Variants in SMAD2 observed in about 807,000 individuals in gnomAD.
SMAD2 encodes MAD homolog 2.
A neutral mutation model predicts 64.4 loss-of-function variants in SMAD2; 8 were observed. That is an observed-to-expected ratio of 0.12 (90% CI 0.07 to 0.22). The LOEUF is 0.22. Ranked by LOEUF, SMAD2 falls within the 10% of genes least tolerant of loss-of-function variation. The pLI is 1.00. For synonymous variants in SMAD2, 203 were observed against 195.8 expected, an observed-to-expected ratio of 1.04 and a Z score of -0.31; for missense variants, 289 against 561.2, an observed-to-expected ratio of 0.51 and a Z score of 4.90.
At position 47,811,465 on chromosome 18, in the gene SMAD2, G is replaced by A. The variant is rs1481490436; in HGVS notation, c.*30362C>T. 13 of 103,712 alleles carry A rather than the reference G, an allele frequency of 1.3e-4. No individual in the cohort carries two copies. The highest frequency in any genetic ancestry group is 3.6e-4 in the African/African-American group (10 of 27,460). 6.4% of individuals were successfully genotyped at this position (103,712 alleles called of 1,614,324 possible). On this transcript the variant is annotated 3_prime_UTR_variant, in exon 11 of 11. Transcript: ENST00000262160. Reference sequence around the variant, plus strand: ...AGCCTGGGCGACAGAGCGAGACCTCGTCTCAAAAAAAAAAAAAAAAAAAAG... The same window carrying A: ...AGCCTGGGCGACAGAGCGAGACCTCATCTCAAAAAAAAAAAAAAAAAAAAG...
rs2030048703 is a variant in SMAD2 at position 47,851,325 on chromosome 18, A to G, written c.733T>C (p.Ser245Pro). ...QQLNQSMDTG[S>P]PAELSPTTLS... ...GTAGTAGGAGATAGTTCTGCTGGAG[A>G]GCCTAAAACAAAAGGATTTAAAAAT... Residue 245 changes from serine to proline, a missense_variant and splice_region_variant, in exon 7 of 11, where the codon TCT becomes CCT. Ser to Pro is a moderately conservative substitution (Grantham distance 74, BLOSUM62 -1). Coordinates refer to ENST00000262160, the MANE Select transcript of SMAD2 (RefSeq NM_005901.6). 1.2e-6 allele frequency: 2 copies of G among 1,605,482 alleles called. No homozygotes were observed. Among genetic ancestry groups the G allele is most frequent in the Middle Eastern group, 3.3e-4 (2 of 6,048 alleles).
rs962124308 is a variant in SMAD2 at position 47,868,575 on chromosome 18, C to T, written c.521-118G>A. On this transcript the variant is annotated intron_variant, in intron 4 of 10. Transcript: ENST00000262160. ...GCTTAATTTTTAAAGCTAGGGTCCA[C>T]CTACTCGATATATACTAGTTACTGA... 7.6e-5 allele frequency: 58 copies of T among 766,060 alleles called. 3 individuals are homozygous for T. In the South Asian group the frequency reaches 7.7e-4, roughly 10 times the overall value. 47.5% of individuals were successfully genotyped at this position (766,060 alleles called of 1,614,324 possible). A position where few individuals can be genotyped will look rare whatever the true frequency, so the allele number is the denominator to read the frequency against.
At chr18:47,887,617 C>T (rs903445986) in intron 2 of SMAD2, among the ~76,000 whole-genome samples, 1 of 152,200 alleles carries the variant, frequency 6.6e-6, no homozygotes, top group African/African-American at 2.4e-5. Flanking sequence ...CTAACGTCTA[C>T]TTTGTCCATG....
intron 6 of SMAD2, among the ~76,000 whole-genome samples, chr18:47,853,838 C>A: frequency 1.3e-5 from 2 of 152,208 alleles, no homozygotes; most frequent in South Asian, 4.1e-4. Context: ...ATATTTGGAA[C>A]AATGAGCTAA....
At chr18:47,883,760 C>T (rs1470581111) in intron 2 of SMAD2, among the ~76,000 whole-genome samples, 3 of 152,144 alleles carry the variant, frequency 2.0e-5, no homozygotes, top group Non-Finnish European at 4.4e-5. Context: ...CATTTTTCAC[C>T]AGCTGCTTTA....
intron 5 of SMAD2, 120 bp downstream of exon 5, chr18:47,868,203 T>C (rs2031704068): frequency 7.0e-6 from 6 of 852,760 alleles, no homozygotes; most frequent in Non-Finnish European, 1.2e-5. Flanking sequence ...AATCCAATTT[T>C]TCTATTAAAA....
chr18:47,870,630 G>A (rs773660346), intron 2 of SMAD2, 66 bp from the exon 3 acceptor site: 14 of 1,000,816 alleles, frequency 1.4e-5, no homozygotes, highest in Non-Finnish European at 2.1e-5. Flanking sequence ...AAAATACCAT[G>A]ATGTAAAACA....
intron 2 of SMAD2, among the ~76,000 whole-genome samples, chr18:47,873,657 A>G (rs2032079118): frequency 6.6e-6 from 1 of 152,234 alleles, no homozygotes; most frequent in African/African-American, 2.4e-5. Context: ...TTTCCTTCAT[A>G]TAACAATGAT....
At chr18:47,914,231 A>G (rs1437086149) in intron 1 of SMAD2, among the ~76,000 whole-genome samples, 2 of 152,196 alleles carry the variant, frequency 1.3e-5, no homozygotes, top group African/African-American at 2.4e-5. Flanking sequence ...AATCCTTAGA[A>G]TGACTTTTCA....
Position 47,930,606 on chromosome 18 carries a change from A to AG in SMAD2, c.-300dup, listed in dbSNP as rs1306182673. 83 of 142,488 alleles carry AG rather than the reference A, an allele frequency of 5.8e-4. No individual in the cohort carries two copies. The highest frequency in any genetic ancestry group is 2.1e-3 in the African/African-American group (80 of 38,768). 8.8% of individuals were successfully genotyped at this position (142,488 alleles called of 1,614,324 possible). On this transcript the variant is annotated 5_prime_UTR_variant, in exon 1 of 11. Transcript: ENST00000262160. ...AGGGGAGGGGAGGAGAGGGAAGGGG[A>AG]GGGGAGGGAGCCTGGCCGCCGCCCG...
At position 47,840,068 on chromosome 18, in the gene SMAD2, G is replaced by A; in HGVS notation, c.*1759C>T. The A allele has an allele frequency of 4.3e-6, 1 of 233,132 alleles. No individual in the cohort carries two copies. Among genetic ancestry groups the A allele is most frequent in the African/African-American group, 2.2e-5 (1 of 45,426 alleles). 14.4% of individuals were successfully genotyped at this position (233,132 alleles called of 1,614,324 possible). A position where few individuals can be genotyped will look rare whatever the true frequency, so the allele number is the denominator to read the frequency against. On this transcript the variant is annotated 3_prime_UTR_variant, in exon 11 of 11. Transcript: ENST00000262160. Reference sequence around the variant, plus strand: ...AGAAAAGTTCCTGGTACAAACAGGTGAACAATAAATATTTGTTGAATGAAT... The same window carrying A: ...AGAAAAGTTCCTGGTACAAACAGGTAAACAATAAATATTTGTTGAATGAAT...
chr18:47,880,961 C>A (rs1382019886), intron 2 of SMAD2, among the ~76,000 whole-genome samples: 1 of 152,124 alleles, frequency 6.6e-6, no homozygotes, highest in Non-Finnish European at 1.5e-5. Flanking sequence ...ATATTCACTC[C>A]TCACTCTCCA....
At chr18:47,905,573 A>G (rs1469022182) in intron 1 of SMAD2, among the ~76,000 whole-genome samples, 3 of 152,222 alleles carry the variant, frequency 2.0e-5, no homozygotes, top group Non-Finnish European at 2.9e-5. Context: ...TAGAGTAGGC[A>G]TAAGAAAAAA....
intron 1 of SMAD2, chr18:47,922,453 T>C (rs556651212): frequency 1.3e-4 from 20 of 152,330 alleles, no homozygotes; most frequent in East Asian, 7.7e-4. Flanking sequence ...TAAAACAATA[T>C]AGAATAACAA....
rs1913908670 is a variant in SMAD2 at position 47,841,130 on chromosome 18, A to G, written c.*697T>C. 8.7e-6 allele frequency: 2 copies of G among 230,432 alleles called. No individual in the cohort carries two copies. Among genetic ancestry groups the G allele is most frequent in the Non-Finnish European group, 1.7e-5 (2 of 117,582 alleles). 14.3% of individuals were successfully genotyped at this position (230,432 alleles called of 1,614,324 possible). ...AGGTTTTCAGTATGGTTTCCTTATA[A>G]TAAGATTTAGCAGTTAAAAAAAAAA... On this transcript the variant is annotated 3_prime_UTR_variant, in exon 11 of 11. Coordinates refer to ENST00000262160, the MANE Select transcript of SMAD2 (RefSeq NM_005901.6).
chr18:47,813,464 T>C lies in SMAD2; in HGVS notation c.*28363A>G, dbSNP rs1428913752. On this transcript the variant is annotated 3_prime_UTR_variant, in exon 11 of 11. Transcript: ENST00000262160. ...CAATGTCACCCAGGCTGGAGTGCAG[T>C]GGCGCAATCTCGGCTCACTGCAACC... is the stretch of plus-strand genomic sequence containing the variant. 6.8e-6 allele frequency: 1 copy of C among 146,774 alleles called. No individual in the cohort carries two copies. Among genetic ancestry groups the C allele is most frequent in the East Asian group, 2.1e-4 (1 of 4,782 alleles). The allele number at this position is 146,774 out of a possible 1,614,324, so 9.1% of individuals were successfully genotyped here. A position where few individuals can be genotyped will look rare whatever the true frequency, so the allele number is the denominator to read the frequency against.
intron 2 of SMAD2, among the ~76,000 whole-genome samples, chr18:47,888,986 A>AT (rs1459922936): frequency 6.6e-6 from 1 of 152,216 alleles, no homozygotes; most frequent in Non-Finnish European, 1.5e-5. Context: ...GGAACATACT[A>AT]TAACTGAAGG....
intron 6 of SMAD2, among the ~76,000 whole-genome samples, chr18:47,854,420 A>C (rs2030463283): frequency 6.6e-6 from 1 of 152,254 alleles, no homozygotes; most frequent in African/African-American, 2.4e-5. Context: ...CTAAGAATTT[A>C]TAAGCTAGTG....
intron 2 of SMAD2, among the ~76,000 whole-genome samples, chr18:47,879,727 T>C (rs533761381): frequency 6.6e-6 from 1 of 152,286 alleles, no homozygotes; most frequent in South Asian, 2.1e-4. Flanking sequence ...AGTCAGTGGA[T>C]AGATGCATGT....
Sources: gnomAD v4.1 joint callset for allele counts (sites outside exome capture counted in the v4.1 genomes callset) on GRCh38, gnomAD v4.1.1 for gene constraint, MANE v1.5 for transcripts, NCBI Gene and HGNC (gene_info 2026-07-23, HGNC 2026-07-21) for gene names.